The following DPH6 variants were observed in gnomAD, a reference collection of about 807,000 sequenced individuals.
The protein encoded by DPH6 is diphthamine biosynthesis 6, also known as diphthine--ammonia ligase.
A neutral mutation model predicts 38.2 loss-of-function variants in DPH6; 33 were observed. That is an observed-to-expected ratio of 0.86 (90% CI 0.65 to 1.15). The LOEUF (loss-of-function observed/expected upper bound fraction) is 1.15. Ranked by LOEUF, DPH6 falls within the 50% of genes most tolerant of loss-of-function variation. The probability of loss-of-function intolerance (pLI) is 0.00; values close to 1 mark genes in which losing one functional copy is unlikely to be tolerated. For synonymous variants in DPH6, 108 were observed against 103.0 expected (o/e 1.05, Z -0.30); for missense variants, 325 against 320.0 (o/e 1.02, Z -0.12).
At chr15:35,150,109 C>T in the DPH6 span, among the ~76,000 whole-genome samples, 1 of 152,208 alleles carries the variant, frequency 6.6e-6, no homozygotes, top group Admixed American at 6.5e-5. Flanking sequence ...AATTTTATGT[C>T]CTCAACTGTT....
intron 6 of DPH6, among the ~76,000 whole-genome samples, chr15:35,397,868 T>C (rs528315265): frequency 0.046 from 4,032 of 87,268 alleles, 227 homozygotes; most frequent in African/African-American, 0.18. Context: ...TTTATATATA[T>C]ACACACACAC....
intron 3 of DPH6, among the ~76,000 whole-genome samples, chr15:35,355,286 T>C (rs1278584051): frequency 6.6e-6 from 1 of 152,212 alleles, no homozygotes; most frequent in Admixed American, 6.5e-5. Flanking sequence ...CCCATTTACA[T>C]TTAAGGTTAA....
At chr15:35,171,123 C>T in the DPH6 span, among the ~76,000 whole-genome samples, 2 of 152,226 alleles carry the variant, frequency 1.3e-5, no homozygotes, top group Admixed American at 6.5e-5. Flanking sequence ...GGTTGATGCA[C>T]TGGAAGCAGA....
chr15:35,165,346 C>A, the DPH6 span, among the ~76,000 whole-genome samples: 5 of 151,874 alleles, frequency 3.3e-5, no homozygotes, highest in Admixed American at 2.6e-4. Flanking sequence ...TTTGGTGGAA[C>A]ACTCTTTGAT....
At chr15:35,358,373 T>G (rs2052585992) in intron 3 of DPH6, among the ~76,000 whole-genome samples, 1 of 152,212 alleles carries the variant, frequency 6.6e-6, no homozygotes, top group African/African-American at 2.4e-5. Context: ...CCTGAATTCT[T>G]TTTCAGGTAA....
intron 3 of DPH6, among the ~76,000 whole-genome samples, chr15:35,311,073 A>G (rs1428829771): frequency 6.6e-6 from 1 of 151,168 alleles, no homozygotes; most frequent in African/African-American, 2.4e-5. Context: ...AACAACAACA[A>G]CAACAACAAA....
intron 3 of DPH6, among the ~76,000 whole-genome samples, chr15:35,467,967 C>T (rs1195407687): frequency 6.6e-6 from 1 of 152,182 alleles, no homozygotes; most frequent in Non-Finnish European, 1.5e-5. Flanking sequence ...TACGGAAACA[C>T]CGTATACATG....
chr15:35,260,275 T>G (rs1298339958), intron 3 of DPH6, among the ~76,000 whole-genome samples: 1 of 151,926 alleles, frequency 6.6e-6, no homozygotes, highest in African/African-American at 2.4e-5. Context: ...GCCCAGCTAA[T>G]TTTTGTATTT....
At chr15:35,510,620 T>A (rs1416216511) in intron 3 of DPH6, among the ~76,000 whole-genome samples, 1 of 152,154 alleles carries the variant, frequency 6.6e-6, no homozygotes, top group African/African-American at 2.4e-5. Context: ...GGGTACTCCA[T>A]CCCTGCTCCC....
rs1196892822 is a variant in DPH6, at chr15:35,408,698, CAAG to C, written c.567+2134_567+2136del. Among the ~76,000 whole-genome samples, 6 of 151,848 alleles carry C rather than the reference CAAG, an allele frequency of 4.0e-5. No individual in the cohort carries two copies. The East Asian group carries it at 1.2e-3, about 29-fold the overall frequency. On this transcript the variant is annotated intron_variant, in intron 6 of 8. Transcript: ENST00000256538. ...TCCATGAATGTAAGTAGAAACATTT[CAAG>C]AAGATGTGTTTGTAACTGGTAAATA... is the stretch of plus-strand genomic sequence containing the variant.
intron 7 of DPH6, among the ~76,000 whole-genome samples, chr15:35,377,241 G>T (rs1035731985): frequency 3.3e-5 from 5 of 151,988 alleles, no homozygotes; most frequent in African/African-American, 1.2e-4. Context: ...GAGTAGGTGG[G>T]GATGAAAATG....
intron 3 of DPH6, among the ~76,000 whole-genome samples, chr15:35,303,625 G>C (rs1440782899): frequency 6.6e-6 from 1 of 150,862 alleles, no homozygotes; most frequent in African/African-American, 2.4e-5. Flanking sequence ...AAAATAACCT[G>C]ATGATAAAGT....
chr15:35,278,032 C>A (rs140507460), intron 3 of DPH6, among the ~76,000 whole-genome samples: 1 of 152,296 alleles, frequency 6.6e-6, no homozygotes, highest in African/African-American at 2.4e-5. Flanking sequence ...TGTGGAGGAA[C>A]CACTTGCTAA....
At position 35,436,241 on chromosome 15, in the gene DPH6, C is replaced by T. The variant is rs7167764; in HGVS notation, c.505+14444G>A. ...CAGCACTTTGGGAGGCCAAGGCAGG[C>T]GGATCACGAGGTCAGGAGATCAAGA... is the stretch of plus-strand genomic sequence containing the variant. On this transcript the variant is annotated intron_variant, in intron 5 of 8. Coordinates refer to ENST00000256538, the MANE Select transcript of DPH6 (RefSeq NM_080650.4). 9.3e-3 allele frequency among the ~76,000 whole-genome samples: 1,405 copies of T among 151,696 alleles called. 28 individuals carry two copies. The highest frequency in any genetic ancestry group is 0.029 in the African/African-American group (1,189 of 41,230).
At chr15:35,176,457 T>C in the DPH6 span, among the ~76,000 whole-genome samples, 5 of 151,386 alleles carry the variant, frequency 3.3e-5, no homozygotes, top group East Asian at 5.9e-4. Context: ...CTTGCCATCA[T>C]TCGACAGTTG....
chr15:35,159,296 C>T, the DPH6 span, among the ~76,000 whole-genome samples: 1 of 152,084 alleles, frequency 6.6e-6, no homozygotes, highest in Non-Finnish European at 1.5e-5. Flanking sequence ...TTGTGCAATG[C>T]ATCTCATTCC....
intron 6 of DPH6, chr15:35,401,188 G>A: frequency 8.4e-7 from 1 of 1,195,834 alleles, no homozygotes; most frequent in Non-Finnish European, 1.2e-6. Context: ...AGTTAGGAAA[G>A]CCCTGTCAAA....
At chr15:35,504,051 C>A (rs2054662182) in intron 3 of DPH6, among the ~76,000 whole-genome samples, 1 of 152,062 alleles carries the variant, frequency 6.6e-6, no homozygotes, top group South Asian at 2.1e-4. Context: ...TCTGAGATAA[C>A]TTAATTTCAA....
At chr15:35,520,974 T>C (rs930855386) in intron 3 of DPH6, 1 of 985,208 alleles carries the variant, frequency 1.0e-6, no homozygotes, top group East Asian at 1.1e-4. Context: ...TGTGAAAGTG[T>C]TACAAATTCT....
Sources: allele counts gnomAD v4.1 joint callset (sites outside exome capture counted in the v4.1 genomes callset), GRCh38; gene constraint gnomAD v4.1.1; transcripts MANE v1.5; gene names NCBI Gene and HGNC (gene_info 2026-07-23, HGNC 2026-07-21).